The following PLEKHG4B variants were observed in gnomAD, a reference collection of about 807,000 sequenced individuals.
The protein encoded by PLEKHG4B is pleckstrin homology and RhoGEF domain containing G4B.
In PLEKHG4B, 111 loss-of-function variants were observed where a neutral mutation model predicts 121.3. The observed-to-expected ratio is 0.92, with a 90% CI of 0.78 to 1.07. PLEKHG4B has a LOEUF of 1.07. Among genes scored for constraint, PLEKHG4B ranks in the 50% least tolerant of loss-of-function variants. PLEKHG4B has a pLI of 0.00. For synonymous variants in PLEKHG4B, 738 were observed against 725.0 expected (o/e 1.02, Z -0.29); for missense variants, 1,831 against 1,757.8 (o/e 1.04, Z -0.74).
Position 166,479 on chromosome 5 carries a change from GAC to G in PLEKHG4B, c.3477-2860_3477-2859del, listed in dbSNP as rs1736348562. ...GGGGCGGAGCTCACACTAATGCTCT[GAC>G]GGGGCGGGGCTCACAGTAATCTTCT... On this transcript the variant is annotated intron_variant, in intron 13 of 19. Transcript: ENST00000637938. 4.9e-5 allele frequency among the ~76,000 whole-genome samples: 5 copies of G among 101,764 alleles called. 2 individuals carry two copies. The South Asian group carries it at 1.1e-3, about 23-fold the overall frequency. 66.8% of individuals were successfully genotyped at this position (101,764 alleles called of 152,430 possible). A position where few individuals can be genotyped will look rare whatever the true frequency, so the allele number is the denominator to read the frequency against.
intron 2 of PLEKHG4B, among the ~76,000 whole-genome samples, chr5:132,818 G>A (rs142093948): frequency 0.014 from 2,184 of 152,174 alleles, 57 homozygotes; most frequent in African/African-American, 0.049. Context: ...GTTTGAAGTC[G>A]GGTGATGTGA....
intron 2 of PLEKHG4B, among the ~76,000 whole-genome samples, chr5:116,833 G>A (rs549280891): frequency 4.4e-4 from 67 of 152,334 alleles, no homozygotes; most frequent in African/African-American, 1.5e-3. Context: ...GCACAACCTA[G>A]ATTTGATTCC....
chr5:164,460 GTAATGTTGTGACGGAGCAGAGCTCACAC>G lies in PLEKHG4B; in HGVS notation c.3476+918_3476+945del, dbSNP rs1218595573. ...GCTGTGACAGGGGGCGGGGCTCACAGTAATGTTGTGACGGAGCAGAGCTCACACTAATGCTCTGACAGGGGGCGGAGCT... is the reference window on the plus strand; with the variant it reads ...GCTGTGACAGGGGGCGGGGCTCACAGTAATGCTCTGACAGGGGGCGGAGCT... On this transcript the variant is annotated intron_variant, in intron 13 of 19. Coordinates refer to ENST00000637938, the MANE Select transcript of PLEKHG4B (RefSeq NM_052909.5). Among the ~76,000 whole-genome samples, 22 of 121,888 alleles carry G rather than the reference GTAATGTTGTGACGGAGCAGAGCTCACAC, an allele frequency of 1.8e-4. 2 individuals carry two copies. Among genetic ancestry groups the G allele is most frequent in the Non-Finnish European group, 2.4e-4 (15 of 61,994 alleles). The allele number at this position is 121,888 out of a possible 152,430, so 80.0% of individuals were successfully genotyped here.
intron 18 of PLEKHG4B, 73 bp from the exon 19 acceptor site, chr5:181,441 G>A (rs2126468131): frequency 1.3e-6 from 2 of 1,491,828 alleles, no homozygotes; most frequent in South Asian, 2.5e-5. Context: ...GGGCATTAGG[G>A]GTACCGGGCG....
rs1458211044 is a variant in PLEKHG4B, at chr5:188,714, C to G, written c.*6391C>G. The G allele has an allele frequency of 1.3e-5, 2 of 152,266 alleles. No homozygotes were observed. The highest frequency in any genetic ancestry group is 2.4e-5 in the African/African-American group (1 of 41,466). 9.4% of individuals were successfully genotyped at this position (152,266 alleles called of 1,614,324 possible). On this transcript the variant is annotated 3_prime_UTR_variant, in exon 20 of 20. Transcript: ENST00000637938. ...TGGAGCTGCCGCCGAGTCCACGCCC[C>G]GTCTGGCTGGGACCTGGAGCTCCCC...
rs888768353 is a variant in PLEKHG4B, at chr5:182,335, G to A, written c.*12G>A. ...CACGCCAGGCCTGATGACTGTCAGG[G>A]TGGCAGTGCCCATCATGTGGCTAGA... On this transcript the variant is annotated 3_prime_UTR_variant, in exon 20 of 20. Transcript: ENST00000637938. The A allele has an allele frequency of 2.5e-6, 4 of 1,579,458 alleles. No individual in the cohort carries two copies. The highest frequency in any genetic ancestry group is 2.3e-5 in the East Asian group (1 of 43,152).
rs1165695451 is a variant in PLEKHG4B at position 156,744 on chromosome 5, A to G, written c.2349-29A>G. On this transcript the variant is annotated intron_variant, in intron 10 of 19. Transcript: ENST00000637938. The surrounding 1 kb of genome is among the most constrained non-coding windows in gnomAD (Gnocchi z 4.4). ...GCAGATTCCTCAAGGGGCCGCCTGG[A>G]AGCCTGAGGACTGCCTTCTCTTCCT... The G allele has an allele frequency of 6.5e-7, 1 of 1,534,684 alleles. No homozygotes were observed. Among genetic ancestry groups the G allele is most frequent in the Non-Finnish European group, 8.8e-7 (1 of 1,136,106 alleles).
rs1328310764 is a variant in PLEKHG4B at position 171,207 on chromosome 5, C to T, written c.3820-7C>T. On this transcript the variant is annotated splice_polypyrimidine_tract_variant and splice_region_variant and intron_variant, in intron 15 of 19. Transcript: ENST00000637938. The stretch of plus-strand genomic sequence containing the variant: ...CCGGAGCTGACCCTCTCACCCGGCC[C>T]TTGCAGGACAAGCAGCGGGAGCTAG... 4 of 1,603,134 alleles carry T rather than the reference C, an allele frequency of 2.5e-6. No homozygotes were observed. The highest frequency in any genetic ancestry group is 3.4e-5 in the Admixed American group (2 of 59,570).
chr5:147,502 G>A (rs1735457973), intron 6 of PLEKHG4B, among the ~76,000 whole-genome samples: 1 of 152,140 alleles, frequency 6.6e-6, no homozygotes, highest in Non-Finnish European at 1.5e-5. Flanking sequence ...CACCTGCTGA[G>A]CAAACCTAAG....
intron 2 of PLEKHG4B, among the ~76,000 whole-genome samples, chr5:131,942 G>GA (rs1383441909): frequency 6.6e-6 from 1 of 151,966 alleles, no homozygotes; most frequent in Non-Finnish European, 1.5e-5. Flanking sequence ...AATTGATGCA[G>GA]AAAAAAGCAT....
chr5:146,579 C>T (rs572909609), intron 6 of PLEKHG4B, among the ~76,000 whole-genome samples: 10 of 141,828 alleles, frequency 7.1e-5, no homozygotes, highest in Admixed American at 6.2e-4. Context: ...AAGGTCCTCC[C>T]TCCTCTCCTC....
In PLEKHG4B at chr5:161,869, C is replaced by T. The variant is rs373547646; in HGVS notation, c.2574C>T (p.Ser858=). Residue 858 remains serine, a synonymous_variant, in exon 12 of 20, where the codon AGC becomes AGT. Transcript: ENST00000637938. ...EMVQDFRRGL[S]AVVSQAECRE... is the part of the protein sequence containing the mutation. ...TCCAGGATTTCAGAAGGGGCCTGAG[C>T]GCCGTGGTCAGCCAGGCTGAGTGCA... The T allele has an allele frequency of 5.0e-5, 80 of 1,613,764 alleles. No homozygotes were observed. The highest frequency in any genetic ancestry group is 3.1e-4 in the South Asian group (28 of 91,086).
chr5:127,357 TA>T (rs1734650987), intron 2 of PLEKHG4B, among the ~76,000 whole-genome samples: 1 of 146,710 alleles, frequency 6.8e-6, no homozygotes, highest in Non-Finnish European at 1.5e-5. Context: ...TTATTATTAT[TA>T]TTATTATTAT....
chr5:170,026 A>C (rs2126453080), intron 14 of PLEKHG4B, among the ~76,000 whole-genome samples: 1 of 152,326 alleles, frequency 6.6e-6, no homozygotes, highest in Admixed American at 6.5e-5. Context: ...CCGTTCTGAG[A>C]ATTCCCTGTG....
At chr5:121,292 C>T (rs963116868) in intron 2 of PLEKHG4B, among the ~76,000 whole-genome samples, 2 of 150,584 alleles carry the variant, frequency 1.3e-5, no homozygotes, top group Non-Finnish European at 3.0e-5. Flanking sequence ...CTAAAAAATA[C>T]AAGATCTGTA....
intron 18 of PLEKHG4B, among the ~76,000 whole-genome samples, chr5:180,828 C>T (rs1263113672): frequency 2.0e-5 from 3 of 152,212 alleles, no homozygotes; most frequent in Non-Finnish European, 2.9e-5. Flanking sequence ...AGGGGACACT[C>T]GCTCTTGATA....
intron 7 of PLEKHG4B, among the ~76,000 whole-genome samples, chr5:153,643 C>T (rs1296937817): frequency 2.6e-5 from 4 of 152,200 alleles, no homozygotes; most frequent in Non-Finnish European, 5.9e-5. Flanking sequence ...CTTCTTTCTT[C>T]AGGCAAGAAA....
Position 182,436 on chromosome 5 carries a change from C to T in PLEKHG4B, c.*113C>T, listed in dbSNP as rs1733446089. On this transcript the variant is annotated 3_prime_UTR_variant, in exon 20 of 20. Transcript: ENST00000637938. ...TGCCCATCGCGTGGCTGGAACGATC[C>T]AGAGGGAATAGCACAGCAGGTGTCC... The T allele has an allele frequency of 9.5e-7, 1 of 1,051,910 alleles. No individual in the cohort carries two copies. Among genetic ancestry groups the T allele is most frequent in the African/African-American group, 1.6e-5 (1 of 63,118 alleles). The allele number at this position is 1,051,910 out of a possible 1,614,324, so 65.2% of individuals were successfully genotyped here.
At chr5:150,672 A>C (rs1735577652) in intron 6 of PLEKHG4B, among the ~76,000 whole-genome samples, 1 of 152,240 alleles carries the variant, frequency 6.6e-6, no homozygotes, top group Non-Finnish European at 1.5e-5. Context: ...GCACATAAAA[A>C]TATGCCTAAC....
Sources: allele counts gnomAD v4.1 joint callset (sites outside exome capture counted in the v4.1 genomes callset), GRCh38; gene constraint gnomAD v4.1.1; non-coding constraint Gnocchi (gnomAD v3.1); transcripts MANE v1.5; gene names NCBI Gene and HGNC (gene_info 2026-07-23, HGNC 2026-07-21).